Variants in LSAMP observed in about 807,000 individuals in gnomAD.
The protein encoded by LSAMP is limbic system-associated membrane protein.
A neutral mutation model predicts 38.6 loss-of-function variants in LSAMP; 7 were observed. The observed-to-expected ratio is 0.18, with a 90% CI of 0.10 to 0.34. The LOEUF (loss-of-function observed/expected upper bound fraction) is 0.34. Ranked by LOEUF, LSAMP falls within the 10% of genes least tolerant of loss-of-function variation. The probability of loss-of-function intolerance (pLI) is 1.00; values close to 1 mark genes in which losing one functional copy is unlikely to be tolerated. For missense variants in LSAMP, 313 were observed against 420.0 expected (o/e 0.75, Z 2.23); for synonymous variants, 154 against 166.8 (o/e 0.92, Z 0.59).
intron 1 of LSAMP, among the ~76,000 whole-genome samples, chr3:116,379,330 A>G (rs2048530111): frequency 6.6e-6 from 1 of 151,898 alleles, no homozygotes; most frequent in South Asian, 2.1e-4. Flanking sequence ...TTCTCTGAGT[A>G]GGTGAGAAGG....
intron 3 of LSAMP, among the ~76,000 whole-genome samples, chr3:115,951,446 A>G (rs1478851617): frequency 6.6e-6 from 1 of 152,202 alleles, no homozygotes; most frequent in African/African-American, 2.4e-5. Flanking sequence ...TAGTCCCATC[A>G]GAAGTGGGTG....
chr3:116,065,763 T>A (rs1707414355), intron 2 of LSAMP, among the ~76,000 whole-genome samples: 1 of 152,156 alleles, frequency 6.6e-6, no homozygotes, highest in African/African-American at 2.4e-5. Flanking sequence ...TCCTCCTCTG[T>A]CTAAGGAAGC....
In LSAMP at chr3:116,273,673, G is replaced by C. The variant is rs1486791271; in HGVS notation, c.155+171204C>G. Among the ~76,000 whole-genome samples, 6 of 55,788 alleles carry C rather than the reference G, an allele frequency of 1.1e-4. 1 individual carries two copies. The East Asian group carries it at 2.8e-3, about 26-fold the overall frequency. 36.6% of individuals were successfully genotyped at this position (55,788 alleles called of 152,430 possible). A position where few individuals can be genotyped will look rare whatever the true frequency, so the allele number is the denominator to read the frequency against. ...TACCCCAGAGGACCACCAAGAGAAA[G>C]AGAAAGAGGCATATATATATATATA... On this transcript the variant is annotated intron_variant, in intron 1 of 6. Coordinates refer to ENST00000490035, the MANE Select transcript of LSAMP (RefSeq NM_002338.5).
chr3:116,021,325 A>G (rs947127170), intron 2 of LSAMP, among the ~76,000 whole-genome samples: 1 of 152,184 alleles, frequency 6.6e-6, no homozygotes, highest in African/African-American at 2.4e-5. Context: ...TACAGGGAAG[A>G]ATATCAGACA....
chr3:116,184,768 T>C (rs1413741253), intron 1 of LSAMP, among the ~76,000 whole-genome samples: 1 of 151,928 alleles, frequency 6.6e-6, no homozygotes, highest in East Asian at 1.9e-4. Flanking sequence ...TCTAGAATTC[T>C]GCTTGCTTGG....
chr3:116,444,416 C>T (rs2049477301), intron 1 of LSAMP, among the ~76,000 whole-genome samples: 1 of 148,614 alleles, frequency 6.7e-6, no homozygotes, highest in Admixed American at 6.7e-5. Flanking sequence ...CACACAGACA[C>T]GGGAGGAGCA....
At position 115,804,778 on chromosome 3, in the gene LSAMP, A is replaced by T. The variant is rs2107435688; in HGVS notation, c.*5539T>A. 6.6e-6 allele frequency: 1 copy of T among 152,264 alleles called. No individual in the cohort carries two copies. The highest frequency in any genetic ancestry group is 1.5e-5 in the Non-Finnish European group (1 of 68,008). 9.4% of individuals were successfully genotyped at this position (152,264 alleles called of 1,614,324 possible). On this transcript the variant is annotated 3_prime_UTR_variant, in exon 7 of 7. Coordinates refer to ENST00000490035, the MANE Select transcript of LSAMP (RefSeq NM_002338.5). Reference sequence around the variant, plus strand: ...CCTGTTACACGTGTCAGGCACTTCAAAAAGACTCCAAGAGAACATGCCTGA... The same window carrying T: ...CCTGTTACACGTGTCAGGCACTTCATAAAGACTCCAAGAGAACATGCCTGA...
intron 4 of LSAMP, among the ~76,000 whole-genome samples, chr3:115,849,633 G>C (rs924468240): frequency 6.6e-6 from 1 of 152,134 alleles, no homozygotes; most frequent in African/African-American, 2.4e-5. Context: ...TTTCATGGCC[G>C]GTAGGATTAG....
chr3:115,967,812 T>C (rs954825610), intron 3 of LSAMP, among the ~76,000 whole-genome samples: 1 of 152,054 alleles, frequency 6.6e-6, no homozygotes, highest in Non-Finnish European at 1.5e-5. Context: ...GAGAACAGCA[T>C]GGGAAAGGCC....
chr3:116,336,422 A>T (rs1393785518), intron 1 of LSAMP, among the ~76,000 whole-genome samples: 2 of 152,086 alleles, frequency 1.3e-5, no homozygotes, highest in African/African-American at 4.8e-5. Context: ...CAGAAAAACA[A>T]AAATCTTGAT....
At chr3:116,122,177 A>G (rs973537817) in intron 1 of LSAMP, among the ~76,000 whole-genome samples, 5 of 152,232 alleles carry the variant, frequency 3.3e-5, no homozygotes, top group African/African-American at 1.2e-4. Flanking sequence ...CTATGCCATC[A>G]TTAATTTAGA....
intron 1 of LSAMP, among the ~76,000 whole-genome samples, chr3:116,404,701 C>G (rs973825260): frequency 3.9e-5 from 6 of 152,070 alleles, no homozygotes; most frequent in African/African-American, 1.4e-4. Context: ...GGCTTTTTCT[C>G]CTTGTTAGCC....
Position 115,944,508 on chromosome 3 carries a change from C to T in LSAMP, c.514+75007G>A, listed in dbSNP as rs74636501. 1.4e-4 allele frequency among the ~76,000 whole-genome samples: 22 copies of T among 152,160 alleles called. No homozygotes were observed. The East Asian group carries it at 3.9e-3, about 27-fold the overall frequency. On this transcript the variant is annotated intron_variant, in intron 3 of 6. Transcript: ENST00000490035. ...AACAAATGGTGGGTTTGAAAGTCTC[C>T]GAGGTCCTAGTGTAACTTGTTCTGC...
intron 3 of LSAMP, among the ~76,000 whole-genome samples, chr3:116,014,879 T>A (rs1184873385): frequency 1.3e-5 from 2 of 152,142 alleles, no homozygotes; most frequent in African/African-American, 4.8e-5. Context: ...TCTAGGCTGG[T>A]CATATTGGGT....
At chr3:116,230,287 A>C (rs2046388999) in intron 1 of LSAMP, among the ~76,000 whole-genome samples, 1 of 152,090 alleles carries the variant, frequency 6.6e-6, no homozygotes, top group African/African-American at 2.4e-5. Flanking sequence ...GAAATACTCA[A>C]CGTTGGGCAG....
chr3:116,268,165 A>G (rs1176306498), intron 1 of LSAMP, among the ~76,000 whole-genome samples: 1 of 151,726 alleles, frequency 6.6e-6, no homozygotes, highest in Non-Finnish European at 1.5e-5. Flanking sequence ...TCCTTTTTCC[A>G]GTTTCTTTGT....
intron 3 of LSAMP, among the ~76,000 whole-genome samples, chr3:115,957,972 G>T (rs1938504079): frequency 6.6e-6 from 1 of 151,980 alleles, no homozygotes; most frequent in African/African-American, 2.4e-5. Context: ...AAGGTTTTCT[G>T]GCCCCAAATG....
At chr3:115,982,147 A>G (rs915900149) in intron 3 of LSAMP, among the ~76,000 whole-genome samples, 5 of 152,358 alleles carry the variant, frequency 3.3e-5, no homozygotes, top group Admixed American at 3.3e-4. Flanking sequence ...GGATAGGGAA[A>G]GGATAAAGTT....
chr3:116,265,838 A>T (rs553552568), intron 1 of LSAMP, among the ~76,000 whole-genome samples: 68 of 152,360 alleles, frequency 4.5e-4, no homozygotes, highest in African/African-American at 1.5e-3. Flanking sequence ...CTTGACCTGG[A>T]CTAGTCCAAT....
Sources: allele counts gnomAD v4.1 joint callset (sites outside exome capture counted in the v4.1 genomes callset), GRCh38; gene constraint gnomAD v4.1.1; transcripts MANE v1.5; gene names NCBI Gene and HGNC (gene_info 2026-07-23, HGNC 2026-07-21).